The following ZC3H12B variants were observed in gnomAD, a reference collection of about 807,000 sequenced individuals.
ZC3H12B encodes the protein probable ribonuclease ZC3H12B.
ZC3H12B carries 7 observed loss-of-function variants against 43.9 expected under a neutral mutation model. The ratio of observed to expected loss-of-function variants is 0.16; its 90% CI spans 0.09 to 0.30. The LOEUF (loss-of-function observed/expected upper bound fraction) is 0.30. Among genes scored for constraint, ZC3H12B ranks in the 10% least tolerant of loss-of-function variants. ZC3H12B has a pLI of 1.00. For synonymous variants in ZC3H12B, 222 were observed against 241.7 expected, an observed-to-expected ratio of 0.92 and a Z score of 0.76; for missense variants, 475 against 670.2, an observed-to-expected ratio of 0.71 and a Z score of 3.22.
chrX:65,477,414 G>A, intron 3 of ZC3H12B, among the ~76,000 whole-genome samples: 1 of 110,976 alleles, frequency 9.0e-6, no homozygotes, highest in East Asian at 2.8e-4. Context: ...GTTGTGTGAA[G>A]AAGAGGAAAA....
the ZC3H12B span, among the ~76,000 whole-genome samples, chrX:65,314,364 G>T: frequency 9.0e-6 from 1 of 111,441 alleles, no homozygotes; most frequent in East Asian, 2.8e-4. Flanking sequence ...CAATGAAAAT[G>T]CTGCAAAATC....
chrX:65,219,078 C>T, the ZC3H12B span, among the ~76,000 whole-genome samples: 5 of 111,276 alleles, frequency 4.5e-5, no homozygotes, highest in Admixed American at 9.6e-5. Flanking sequence ...AAATAGCAGT[C>T]GCTGCAGTTT....
At chrX:65,211,259 C>A in the ZC3H12B span, among the ~76,000 whole-genome samples, 2 of 108,929 alleles carry the variant, frequency 1.8e-5, no homozygotes, top group Non-Finnish European at 3.8e-5. Context: ...TGTAGGTTGC[C>A]TGTTCACTCA....
At chrX:65,248,019 G>T in the ZC3H12B span, among the ~76,000 whole-genome samples, 1 of 107,044 alleles carries the variant, frequency 9.3e-6, no homozygotes, top group Non-Finnish European at 1.9e-5. Context: ...CTGTTTGGAA[G>T]ATCAAATAGG....
chrX:65,337,973 T>C, the ZC3H12B span, among the ~76,000 whole-genome samples: 1 of 111,963 alleles, frequency 8.9e-6, no homozygotes, highest in African/African-American at 3.2e-5. Flanking sequence ...TTGTTTTTTA[T>C]CTGACTTACC....
At chrX:65,408,246 CAG>C (rs1286280712) in intron 3 of ZC3H12B, 3 of 1,167,908 alleles carry the variant, frequency 2.6e-6, no homozygotes, top group Admixed American at 2.2e-5. Context: ...AGTGAAAAGA[CAG>C]AAATGCAGAG....
At chrX:65,131,064 G>A in the ZC3H12B span, among the ~76,000 whole-genome samples, 1 of 112,127 alleles carries the variant, frequency 8.9e-6, no homozygotes, top group Non-Finnish European at 1.9e-5. Flanking sequence ...CAGTGGTGCA[G>A]GATATGGAAG....
chrX:65,218,440 G>T, the ZC3H12B span, among the ~76,000 whole-genome samples: 2 of 111,964 alleles, frequency 1.8e-5, no homozygotes, highest in Non-Finnish European at 3.8e-5. Context: ...CTGCTCACTG[G>T]CTGCTGGGAA....
the ZC3H12B span, among the ~76,000 whole-genome samples, chrX:65,042,757 G>A: frequency 9.0e-6 from 1 of 111,469 alleles, no homozygotes; most frequent in African/African-American, 3.3e-5. Flanking sequence ...AAGAAAAAAA[G>A]AGTTTATTTT....
chrX:65,432,436 C>T (rs968990798), intron 3 of ZC3H12B, among the ~76,000 whole-genome samples: 3 of 111,637 alleles, frequency 2.7e-5, no homozygotes, highest in African/African-American at 9.8e-5. Context: ...CTGCCACATA[C>T]TCCAAACAGC....
At chrX:65,173,144 G>A in the ZC3H12B span, among the ~76,000 whole-genome samples, 204 of 111,515 alleles carry the variant, frequency 1.8e-3, no homozygotes, top group African/African-American at 6.4e-3. Context: ...CCTGTGCCTT[G>A]TAAGTTGTAT....
chrX:65,394,389 G>A (rs1286655171), intron 2 of ZC3H12B, among the ~76,000 whole-genome samples: 2 of 112,435 alleles, frequency 1.8e-5, no homozygotes, highest in African/African-American at 3.2e-5. Context: ...TTAGGTGTAA[G>A]GAACGGCTCC....
At chrX:65,490,131 G>A (rs1379531689) in intron 1 of ZC3H12B, among the ~76,000 whole-genome samples, 1 of 111,396 alleles carries the variant, frequency 9.0e-6, no homozygotes, top group Non-Finnish European at 1.9e-5. Context: ...TGGAATCTCT[G>A]AATACATTAT....
chrX:65,480,864 G>T (rs1251132196), intron 3 of ZC3H12B, among the ~76,000 whole-genome samples: 1 of 106,277 alleles, frequency 9.4e-6, no homozygotes, highest in African/African-American at 3.6e-5. Flanking sequence ...AAAAAAAAGA[G>T]TACTACAAGG....
chrX:65,086,910 C>T, the ZC3H12B span, among the ~76,000 whole-genome samples: 8 of 111,356 alleles, frequency 7.2e-5, no homozygotes, highest in East Asian at 1.7e-3. Context: ...GCTCTGATAC[C>T]GAATGCTGGG....
chrX:65,339,735 T>A, the ZC3H12B span, among the ~76,000 whole-genome samples: 1 of 111,216 alleles, frequency 9.0e-6, no homozygotes, highest in Non-Finnish European at 1.9e-5. Flanking sequence ...CTTTGGGGGC[T>A]CAGATCATAG....
the ZC3H12B span, among the ~76,000 whole-genome samples, chrX:65,246,592 C>G: frequency 3.6e-5 from 4 of 111,619 alleles, no homozygotes; most frequent in Admixed American, 3.8e-4. Flanking sequence ...AATAGAGAAC[C>G]CAGAAATAAG....
At chrX:65,157,894 G>T in the ZC3H12B span, among the ~76,000 whole-genome samples, 8 of 101,154 alleles carry the variant, frequency 7.9e-5, no homozygotes, top group African/African-American at 2.8e-4. Flanking sequence ...TTAGCATTAG[G>T]TATATCTCCT....
At chrX:65,400,382 C>T (rs2066749157) in intron 3 of ZC3H12B, among the ~76,000 whole-genome samples, 1 of 110,747 alleles carries the variant, frequency 9.0e-6, no homozygotes, top group Admixed American at 9.6e-5. Flanking sequence ...AGATCTATGC[C>T]TCATCTGGTG....
Sources: gnomAD v4.1 joint callset for allele counts (sites outside exome capture counted in the v4.1 genomes callset) on GRCh38, gnomAD v4.1.1 for gene constraint, MANE v1.5 for transcripts, NCBI Gene and HGNC (gene_info 2026-07-23, HGNC 2026-07-21) for gene names.